BRI3BP: variants seen among roughly 807,000 people sequenced by gnomAD.
The protein encoded by BRI3BP is BRI3-binding protein.
BRI3BP carries 7 observed loss-of-function variants against 15.8 expected under a neutral mutation model. The ratio of observed to expected loss-of-function variants is 0.44; its 90% CI spans 0.25 to 0.83. BRI3BP has a LOEUF of 0.83. Among genes scored for constraint, BRI3BP ranks in the 40% least tolerant of loss-of-function variants. The probability of loss-of-function intolerance (pLI) is 0.20; values close to 1 mark genes in which losing one functional copy is unlikely to be tolerated. For missense variants in BRI3BP, 320 were observed against 339.3 expected, an observed-to-expected ratio of 0.94 and a Z score of 0.45; for synonymous variants, 192 against 163.5, an observed-to-expected ratio of 1.17 and a Z score of -1.33.
intron 1 of BRI3BP, among the ~76,000 whole-genome samples, chr12:125,005,276 G>A (rs191089492): frequency 6.6e-6 from 1 of 152,274 alleles, no homozygotes; most frequent in East Asian, 1.9e-4. Flanking sequence ...CACATCCAGG[G>A]TACAGCAAAT....
the BRI3BP span, among the ~76,000 whole-genome samples, chr12:125,048,438 G>A: frequency 6.6e-6 from 1 of 152,092 alleles, no homozygotes; most frequent in East Asian, 1.9e-4. Context: ...ATGTTTAGGA[G>A]GGGTAATAAG....
intron 2 of BRI3BP, among the ~76,000 whole-genome samples, chr12:125,014,205 CCTT>C (rs889675174): frequency 4.6e-5 from 7 of 152,270 alleles, no homozygotes; most frequent in East Asian, 1.9e-4. Context: ...CCACTGCTCT[CCTT>C]CTGTCCACAA....
chr12:125,001,106 G>A (rs1955087497), intron 1 of BRI3BP, among the ~76,000 whole-genome samples: 1 of 151,874 alleles, frequency 6.6e-6, no homozygotes, highest in Non-Finnish European at 1.5e-5. Context: ...CCAGGCTGGA[G>A]TGCAGTGGCG....
chr12:125,041,454 A>G, the BRI3BP span, among the ~76,000 whole-genome samples: 1 of 152,208 alleles, frequency 6.6e-6, no homozygotes, highest in Non-Finnish European at 1.5e-5. Context: ...TTTAATGGAT[A>G]GATATAACCC....
At chr12:124,997,202 TGCTTTACTTCTC>T (rs1213881827) in intron 1 of BRI3BP, among the ~76,000 whole-genome samples, 1 of 129,346 alleles carries the variant, frequency 7.7e-6, no homozygotes, top group South Asian at 3.0e-4. Context: ...CTTTTTTTTT[TGCTTTACTTCTC>T]TTTTTTTTTT....
intron 2 of BRI3BP, among the ~76,000 whole-genome samples, chr12:125,019,196 G>C (rs962726501): frequency 2.1e-4 from 32 of 152,112 alleles, no homozygotes; most frequent in African/African-American, 7.7e-4. Flanking sequence ...GGCAGCGCTA[G>C]GGAAGTCAGA....
At chr12:125,018,090 A>C (rs1955262893) in intron 2 of BRI3BP, among the ~76,000 whole-genome samples, 1 of 152,126 alleles carries the variant, frequency 6.6e-6, no homozygotes, top group South Asian at 2.1e-4. Flanking sequence ...ATCACTGTGC[A>C]GTTCTGGGAC....
Position 124,993,650 on chromosome 12 carries a change from C to CGCA in BRI3BP, c.-135_-133dup, listed in dbSNP as rs913177546. On this transcript the variant is annotated 5_prime_UTR_variant, in exon 1 of 3. Coordinates refer to ENST00000341446, the MANE Select transcript of BRI3BP (RefSeq NM_080626.6). ...TTTGCGCGCGGGGCGGGGCAGGTGG[C>CGCA]GCAGCAGCGGCGGCGGCGGCTGTGG... 1.3e-4 allele frequency: 44 copies of CGCA among 330,664 alleles called. No individual in the cohort carries two copies. The highest frequency in any genetic ancestry group is 1.0e-3 in the Admixed American group (15 of 14,944). 20.5% of individuals were successfully genotyped at this position (330,664 alleles called of 1,614,324 possible). A position where few individuals can be genotyped will look rare whatever the true frequency, so the allele number is the denominator to read the frequency against.
chr12:125,019,239 C>T (rs1330475094), intron 2 of BRI3BP, among the ~76,000 whole-genome samples: 2 of 152,048 alleles, frequency 1.3e-5, no homozygotes, highest in Non-Finnish European at 2.9e-5. Context: ...CGTGCAGGGC[C>T]ACTCGTGTTT....
chr12:125,049,804 G>A, the BRI3BP span, among the ~76,000 whole-genome samples: 1 of 152,202 alleles, frequency 6.6e-6, no homozygotes, highest in African/African-American at 2.4e-5. Flanking sequence ...CAGCGCTCGG[G>A]CTGAGTGTGG....
At chr12:125,014,254 G>A (rs1955221157) in intron 2 of BRI3BP, among the ~76,000 whole-genome samples, 1 of 152,144 alleles carries the variant, frequency 6.6e-6, no homozygotes. Flanking sequence ...CTTTCCAGAG[G>A]AAATTCCCCA....
chr12:125,042,691 C>T, the BRI3BP span, among the ~76,000 whole-genome samples: 11 of 152,156 alleles, frequency 7.2e-5, no homozygotes, highest in East Asian at 1.9e-4. Flanking sequence ...CCCACCACCA[C>T]GCCCAGCTAA....
intron 1 of BRI3BP, among the ~76,000 whole-genome samples, chr12:124,995,453 C>T (rs1955032381): frequency 6.6e-6 from 1 of 152,186 alleles, no homozygotes; most frequent in Non-Finnish European, 1.5e-5. Context: ...ACAGGATCCC[C>T]ATGTCTCAAC....
chr12:125,032,667 G>A (rs1017932372), downstream of BRI3BP, among the ~76,000 whole-genome samples: 3 of 152,162 alleles, frequency 2.0e-5, no homozygotes, highest in African/African-American at 7.2e-5. Context: ...CCAGCTACTC[G>A]GGAGGCTGAC....
At chr12:125,007,506 G>A (rs979261628) in intron 1 of BRI3BP, among the ~76,000 whole-genome samples, 10 of 152,024 alleles carry the variant, frequency 6.6e-5, no homozygotes, top group Admixed American at 1.3e-4. Context: ...CTGAGATGGC[G>A]CTAATGCACT....
intron 1 of BRI3BP, among the ~76,000 whole-genome samples, chr12:125,009,656 C>T (rs898790882): frequency 6.6e-6 from 1 of 151,844 alleles, no homozygotes; most frequent in African/African-American, 2.4e-5. Context: ...AGGCTGGTCT[C>T]GAACTCCTGG....
At chr12:125,018,112 A>T (rs1446516899) in intron 2 of BRI3BP, among the ~76,000 whole-genome samples, 1 of 151,814 alleles carries the variant, frequency 6.6e-6, no homozygotes, top group Non-Finnish European at 1.5e-5. Flanking sequence ...TGCCAATCTC[A>T]CTTCTCCACA....
At chr12:125,039,916 G>A in the BRI3BP span, among the ~76,000 whole-genome samples, 6 of 152,306 alleles carry the variant, frequency 3.9e-5, no homozygotes, top group Admixed American at 6.5e-5. Flanking sequence ...CTGCAAAAGC[G>A]GAGATGAGGG....
the BRI3BP span, among the ~76,000 whole-genome samples, chr12:125,038,974 C>T: frequency 4.0e-5 from 6 of 151,896 alleles, no homozygotes; most frequent in Non-Finnish European, 8.8e-5. Flanking sequence ...CCTGTAATCC[C>T]AGCTACTTGG....
Sources: allele counts gnomAD v4.1 joint callset (sites outside exome capture counted in the v4.1 genomes callset), GRCh38; gene constraint gnomAD v4.1.1; transcripts MANE v1.5; gene names NCBI Gene and HGNC (gene_info 2026-07-23, HGNC 2026-07-21).